Variants in SLC9A9 observed in about 807,000 individuals in gnomAD.
SLC9A9 encodes sodium/hydrogen exchanger 9.
Under a neutral mutation model 77.8 loss-of-function variants are expected in SLC9A9, and 62 were observed. The observed-to-expected ratio is 0.80, with a 90% confidence interval of 0.65 to 0.98. The LOEUF is 0.98. SLC9A9 is among the 50% of genes least tolerant of loss of function. The pLI is 0.00. For missense variants in SLC9A9, 775 were observed against 774.9 expected (o/e 1.00, Z 0.00); for synonymous variants, 320 against 283.5 (o/e 1.13, Z -1.29).
intron 2 of SLC9A9, among the ~76,000 whole-genome samples, chr3:143,820,906 T>A (rs1353576877): frequency 7.1e-6 from 1 of 141,026 alleles, no homozygotes; most frequent in Non-Finnish European, 1.6e-5. Context: ...TTCTTTGTCT[T>A]ATTTTTTTTT....
At chr3:143,554,624 C>T (rs1349841028) in intron 8 of SLC9A9, among the ~76,000 whole-genome samples, 1 of 152,200 alleles carries the variant, frequency 6.6e-6, no homozygotes, top group Non-Finnish European at 1.5e-5. Context: ...CAGACCATGT[C>T]TGGCCTTTGC....
chr3:143,673,316 T>C (rs1345412188), intron 5 of SLC9A9, among the ~76,000 whole-genome samples: 1 of 152,154 alleles, frequency 6.6e-6, no homozygotes, highest in Non-Finnish European at 1.5e-5. Context: ...GATGAGAAGC[T>C]GGACGAGAAG....
chr3:143,409,941 T>G (rs1417442658), intron 12 of SLC9A9, among the ~76,000 whole-genome samples: 4 of 152,176 alleles, frequency 2.6e-5, no homozygotes, highest in Admixed American at 6.5e-5. Flanking sequence ...ACAGTTGAAT[T>G]TAACAGTCAT....
At chr3:143,695,377 T>A (rs779403332) in intron 4 of SLC9A9, among the ~76,000 whole-genome samples, 22 of 152,166 alleles carry the variant, frequency 1.4e-4, no homozygotes, top group Non-Finnish European at 5.9e-5. Flanking sequence ...AATGTTCCCC[T>A]CCCTGTGTCC....
intron 12 of SLC9A9, among the ~76,000 whole-genome samples, chr3:143,423,284 CACACAG>C (rs1193285535): frequency 6.8e-6 from 1 of 147,474 alleles, no homozygotes; most frequent in Admixed American, 6.8e-5. Context: ...CACACACACA[CACACAG>C]AGTTCCTAAT....
intron 4 of SLC9A9, among the ~76,000 whole-genome samples, chr3:143,715,103 C>A (rs1329516239): frequency 6.6e-6 from 1 of 152,208 alleles, no homozygotes; most frequent in Admixed American, 6.5e-5. Flanking sequence ...AGTGGAACTG[C>A]AAGTCCATTA....
chr3:143,804,097 G>A (rs1047017709), intron 2 of SLC9A9, among the ~76,000 whole-genome samples: 2 of 151,924 alleles, frequency 1.3e-5, no homozygotes, highest in African/African-American at 4.8e-5. Context: ...AATTCCCCTG[G>A]GTAACCTTTC....
chr3:143,826,813 C>A (rs192266950), intron 2 of SLC9A9, among the ~76,000 whole-genome samples: 39 of 152,276 alleles, frequency 2.6e-4, no homozygotes, highest in African/African-American at 8.7e-4. Context: ...CCCCTATCAT[C>A]AGAGTCAATC....
At chr3:143,274,000 C>CATAT (rs1937971363) in intron 14 of SLC9A9, among the ~76,000 whole-genome samples, 1 of 152,292 alleles carries the variant, frequency 6.6e-6, no homozygotes, top group East Asian at 1.9e-4. Context: ...TGAACCCAGA[C>CATAT]ATATATAATG....
At chr3:143,692,034 T>A (rs529243580) in intron 5 of SLC9A9, among the ~76,000 whole-genome samples, 2 of 152,062 alleles carry the variant, frequency 1.3e-5, no homozygotes, top group African/African-American at 4.8e-5. Context: ...AAAGTAATCA[T>A]ACCAAAAAAG....
At chr3:143,818,304 T>G (rs1051692549) in intron 2 of SLC9A9, among the ~76,000 whole-genome samples, 2 of 152,012 alleles carry the variant, frequency 1.3e-5, no homozygotes, top group Admixed American at 6.5e-5. Flanking sequence ...GACTCAGACT[T>G]GTTATATATA....
intron 14 of SLC9A9, among the ~76,000 whole-genome samples, chr3:143,295,421 G>A (rs1027298585): frequency 9.9e-5 from 15 of 152,228 alleles, no homozygotes; most frequent in Admixed American, 3.9e-4. Context: ...AGAACGTGCC[G>A]TTCCAGTAAT....
At chr3:143,339,548 A>G (rs776462957) in intron 14 of SLC9A9, among the ~76,000 whole-genome samples, 21 of 152,052 alleles carry the variant, frequency 1.4e-4, no homozygotes, top group Non-Finnish European at 2.4e-4. Flanking sequence ...ACACTGGCAT[A>G]CTATGTTGTT....
intron 9 of SLC9A9, among the ~76,000 whole-genome samples, chr3:143,537,320 T>C (rs1333599065): frequency 6.6e-6 from 1 of 152,274 alleles, no homozygotes; most frequent in African/African-American, 2.4e-5. Context: ...TGAGCATTAC[T>C]GCTCTGGGAG....
In SLC9A9 at chr3:143,749,506, C is replaced by T. The variant is rs535590146; in HGVS notation, c.533+45495G>A. ...AAGCATCCCCAGATGCCAAAGATTACGCATTCCACTTTATAAGGACTAACG... is the reference window on the plus strand; with the variant it reads ...AAGCATCCCCAGATGCCAAAGATTATGCATTCCACTTTATAAGGACTAACG... On this transcript the variant is annotated intron_variant, in intron 4 of 15. Coordinates refer to ENST00000316549, the MANE Select transcript of SLC9A9 (RefSeq NM_173653.4). 3.9e-5 allele frequency among the ~76,000 whole-genome samples: 6 copies of T among 152,312 alleles called. No individual in the cohort carries two copies. In the East Asian group the frequency reaches 9.6e-4, roughly 24 times the overall value.
intron 12 of SLC9A9, among the ~76,000 whole-genome samples, chr3:143,433,070 G>A (rs1184859180): frequency 6.6e-6 from 1 of 152,216 alleles, no homozygotes; most frequent in Non-Finnish European, 1.5e-5. Context: ...AGGGAGGTTA[G>A]CCTTAACAAT....
chr3:143,824,295 A>T (rs1192891363), intron 2 of SLC9A9, among the ~76,000 whole-genome samples: 3 of 152,060 alleles, frequency 2.0e-5, no homozygotes, highest in Admixed American at 6.5e-5. Context: ...CTGGCAGGAA[A>T]AAAAAACCAA....
chr3:143,798,893 A>G (rs113628519), intron 2 of SLC9A9, among the ~76,000 whole-genome samples: 5,245 of 151,762 alleles, frequency 0.035, 129 homozygotes, highest in African/African-American at 0.072. Context: ...TTCCTTTTCT[A>G]CAGACCCAAC....
intron 10 of SLC9A9, 44 bp downstream of exon 10, chr3:143,495,291 G>T: frequency 6.8e-7 from 1 of 1,476,848 alleles, no homozygotes; most frequent in Non-Finnish European, 9.5e-7. Context: ...TAAGTCATTC[G>T]TTATCTTCTC....
Sources: gnomAD v4.1 joint callset for allele counts (sites outside exome capture counted in the v4.1 genomes callset) on GRCh38, gnomAD v4.1.1 for gene constraint, MANE v1.5 for transcripts, NCBI Gene and HGNC (gene_info 2026-07-23, HGNC 2026-07-21) for gene names.